MTDH: variants seen among roughly 807,000 people sequenced by gnomAD.
MTDH encodes the protein metadherin, also known as protein LYRIC.
In MTDH, 34 loss-of-function variants were observed where a neutral mutation model predicts 72.7. That is an observed-to-expected ratio of 0.47 (90% confidence interval 0.36 to 0.62). The LOEUF is 0.62. MTDH is among the 20% of genes least tolerant of loss of function. The probability of loss-of-function intolerance (pLI) is 0.00; values close to 1 mark genes in which losing one functional copy is unlikely to be tolerated. For synonymous variants in MTDH, 266 were observed against 268.9 expected, an observed-to-expected ratio of 0.99 and a Z score of 0.10; for missense variants, 677 against 699.4, an observed-to-expected ratio of 0.97 and a Z score of 0.36.
Position 97,644,663 on chromosome 8 carries a change from C to T in MTDH, c.157C>T (p.Leu53=). 1 of 1,608,014 alleles carries T rather than the reference C, an allele frequency of 6.2e-7. No individual in the cohort carries two copies. The highest frequency in any genetic ancestry group is 8.5e-7 in the Non-Finnish European group (1 of 1,178,486). The stretch of plus-strand genomic sequence containing the variant: ...GAAACGGTACCCCGGCTGGGTGATC[C>T]TGGTGGGCACTGGCGCGCTCGGGCT... ...EPKRYPGWVI[L]VGTGALGLLL... is the part of the protein sequence containing the mutation. Residue 53 remains leucine (L), a synonymous_variant, in exon 1 of 12, where the codon CTG becomes TTG. Coordinates refer to ENST00000336273, the MANE Select transcript of MTDH (RefSeq NM_178812.4).
At chr8:97,709,370 C>T (rs990222187) in intron 8 of MTDH, among the ~76,000 whole-genome samples, 2 of 152,090 alleles carry the variant, frequency 1.3e-5, no homozygotes, top group Non-Finnish European at 2.9e-5. Context: ...TACCTTAATA[C>T]ATAGTGATCA....
Position 97,644,741 on chromosome 8 carries a change from C to G in MTDH, c.235C>G (p.Arg79Gly). The part of the protein sequence containing the change: ...YGWAAACAGA[R>G]KKRRSPPRKR... ...CTGGGCCGCGGCTTGCGCCGGCGCC[C>G]GCAAAAAGCGGAGGAGCCCGCCCCG... Residue 79 changes from arginine to glycine, a missense_variant, in exon 1 of 12, where the codon CGC becomes GGC. Arg to Gly is a moderately radical substitution (Grantham distance 125, BLOSUM62 -2). Coordinates refer to ENST00000336273, the MANE Select transcript of MTDH (RefSeq NM_178812.4). 1.3e-6 allele frequency: 2 copies of G among 1,572,256 alleles called. No homozygotes were observed. The highest frequency in any genetic ancestry group is 1.7e-6 in the Non-Finnish European group (2 of 1,166,584).
chr8:97,652,733 T>A (rs1811821451), intron 1 of MTDH, among the ~76,000 whole-genome samples: 1 of 152,232 alleles, frequency 6.6e-6, no homozygotes, highest in Non-Finnish European at 1.5e-5. Context: ...TGTGTTTTTT[T>A]ATTCTTAGGT....
intron 6 of MTDH, among the ~76,000 whole-genome samples, chr8:97,694,873 A>T (rs1307148643): frequency 6.6e-6 from 1 of 152,026 alleles, no homozygotes; most frequent in African/African-American, 2.4e-5. Flanking sequence ...CAGTGAGCCA[A>T]GGTCGAGCCA....
chr8:97,697,933 C>A (rs1374648251), intron 6 of MTDH, among the ~76,000 whole-genome samples: 1 of 152,170 alleles, frequency 6.6e-6, no homozygotes, highest in African/African-American at 2.4e-5. Context: ...ACCAGTGTTA[C>A]AGTACTGCTT....
intron 7 of MTDH, among the ~76,000 whole-genome samples, chr8:97,703,513 TAG>T (rs1185875524): frequency 6.6e-6 from 1 of 152,226 alleles, no homozygotes; most frequent in Non-Finnish European, 1.5e-5. Flanking sequence ...CAAGAAGTCT[TAG>T]AGACATGGCT....
At chr8:97,665,589 A>C (rs1376049405) in intron 2 of MTDH, among the ~76,000 whole-genome samples, 1 of 152,216 alleles carries the variant, frequency 6.6e-6, no homozygotes, top group Non-Finnish European at 1.5e-5. Context: ...TGACTTAATT[A>C]GTCTCTTAAG....
At position 97,726,014 on chromosome 8, in the gene MTDH, A is replaced by T. The variant is rs1029636510; in HGVS notation, c.*1344A>T. 1 of 152,674 alleles carries T rather than the reference A, an allele frequency of 6.5e-6. No homozygotes were observed. The highest frequency in any genetic ancestry group is 2.4e-5 in the African/African-American group (1 of 41,470). The allele number at this position is 152,674 out of a possible 1,614,324, so 9.5% of individuals were successfully genotyped here. A position where few individuals can be genotyped will look rare whatever the true frequency, so the allele number is the denominator to read the frequency against. On this transcript the variant is annotated 3_prime_UTR_variant, in exon 12 of 12. Transcript: ENST00000336273. The stretch of plus-strand genomic sequence containing the variant: ...GGCTTGTTTTTATGTGGCGCCAAGA[A>T]CGAACCTGTTTAACAGCTGTAACCA...
chr8:97,718,495 G>GC (rs1554583157), intron 9 of MTDH, among the ~76,000 whole-genome samples: 1 of 145,338 alleles, frequency 6.9e-6, no homozygotes, highest in Non-Finnish European at 1.5e-5. Context: ...TTTTTTGTGG[G>GC]TTTTTTTTTG....
intron 8 of MTDH, among the ~76,000 whole-genome samples, chr8:97,712,182 C>T (rs1447442822): frequency 1.3e-5 from 2 of 152,058 alleles, no homozygotes; most frequent in African/African-American, 2.4e-5. Flanking sequence ...GGATTACAGG[C>T]GCATGCCACC....
At chr8:97,715,526 C>A (rs1158424306) in intron 9 of MTDH, among the ~76,000 whole-genome samples, 1 of 152,166 alleles carries the variant, frequency 6.6e-6, no homozygotes, top group Non-Finnish European at 1.5e-5. Context: ...ATAAATGATA[C>A]AAGCTTATTA....
At chr8:97,683,132 T>C (rs1273965367) in intron 2 of MTDH, among the ~76,000 whole-genome samples, 1 of 134,198 alleles carries the variant, frequency 7.5e-6, no homozygotes, top group Non-Finnish European at 1.6e-5. Context: ...TGGAGCGATC[T>C]CAGCTCACTG....
intron 4 of MTDH, 112 bp downstream of exon 4, chr8:97,687,717 G>C (rs998995020): frequency 8.8e-6 from 8 of 908,332 alleles, no homozygotes; most frequent in Non-Finnish European, 1.3e-5. Context: ...ACATCATTGT[G>C]CTGATATACC....
intron 9 of MTDH, among the ~76,000 whole-genome samples, chr8:97,714,810 T>A (rs1400681178): frequency 6.6e-6 from 1 of 152,028 alleles, no homozygotes; most frequent in Non-Finnish European, 1.5e-5. Context: ...TTCCTACTTA[T>A]TGTTCTATTT....
intron 8 of MTDH, 55 bp from the exon 9 acceptor site, chr8:97,713,607 A>T (rs1814723930): frequency 1.0e-6 from 1 of 964,358 alleles, no homozygotes; most frequent in Admixed American, 2.4e-5. Context: ...TAATTTTCTA[A>T]ATAATGGACA....
chr8:97,685,061 G>A (rs983151697), intron 2 of MTDH, among the ~76,000 whole-genome samples: 3 of 151,778 alleles, frequency 2.0e-5, no homozygotes, highest in Admixed American at 6.6e-5. Flanking sequence ...GCGAGACTCC[G>A]TCTCAAAAAA....
chr8:97,669,308 C>G (rs990210334), intron 2 of MTDH, among the ~76,000 whole-genome samples: 2 of 151,956 alleles, frequency 1.3e-5, no homozygotes, highest in African/African-American at 4.8e-5. Flanking sequence ...TGCCACCACA[C>G]CCAACTAATT....
chr8:97,644,498 G>A lies in MTDH; in HGVS notation c.-9G>A, dbSNP rs935978092. The A allele has an allele frequency of 6.4e-7, 1 of 1,568,434 alleles. No homozygotes were observed. The highest frequency in any genetic ancestry group is 1.2e-5 in the South Asian group (1 of 86,658). ...CGTCATCCTGCGAGTCCCTCTGACG[G>A]GAGGGAAGATGGCTGCACGGAGCTG... On this transcript the variant is annotated 5_prime_UTR_variant, in exon 1 of 12. Transcript: ENST00000336273.
At chr8:97,695,234 C>T (rs143697800) in intron 6 of MTDH, among the ~76,000 whole-genome samples, 1 of 151,864 alleles carries the variant, frequency 6.6e-6, no homozygotes, top group African/African-American at 2.4e-5. Flanking sequence ...CTGCCTCAGC[C>T]TCCTGAGTAG....
Sources: gnomAD v4.1 joint callset for allele counts (sites outside exome capture counted in the v4.1 genomes callset) on GRCh38, gnomAD v4.1.1 for gene constraint, MANE v1.5 for transcripts, NCBI Gene and HGNC (gene_info 2026-07-23, HGNC 2026-07-21) for gene names.